The following ZNF324B variants were observed in gnomAD, a reference collection of about 807,000 sequenced individuals.
ZNF324B encodes zinc finger protein 324B.
ZNF324B carries 7 observed loss-of-function variants against 10.6 expected under a neutral mutation model. The observed-to-expected ratio is 0.66, with a 90% CI of 0.38 to 1.24. The LOEUF (loss-of-function observed/expected upper bound fraction) is 1.24, where lower values mean the gene tolerates loss of function less well. Among genes scored for constraint, ZNF324B ranks in the 50% most tolerant of loss-of-function variants. The pLI is 0.02. For missense variants in ZNF324B, 640 were observed against 764.7 expected, an observed-to-expected ratio of 0.84 and a Z score of 1.92; for synonymous variants, 316 against 321.0, an observed-to-expected ratio of 0.98 and a Z score of 0.17.
chr19:58,448,997 T>C (rs1410313851), upstream of ZNF324B, among the ~76,000 whole-genome samples: 1 of 152,238 alleles, frequency 6.6e-6, no homozygotes, highest in Non-Finnish European at 1.5e-5. Flanking sequence ...TCAGAGACCT[T>C]TGTGGCAGCC....
the ZNF324B span, among the ~76,000 whole-genome samples, chr19:58,438,883 G>C: frequency 6.6e-6 from 1 of 151,828 alleles, no homozygotes; most frequent in Non-Finnish European, 1.5e-5. Flanking sequence ...CAGTTCTTCT[G>C]CCTCAGTTTC....
rs141695590 is a variant in ZNF324B at position 58,455,784 on chromosome 19, C to T, written c.840C>T (p.Thr280=). ...TCCTCAAGCACCTACGCACCCACACCGGGGAGCGGCCCTACGAGTGCACCC... is the reference window on the plus strand; with the variant it reads ...TCCTCAAGCACCTACGCACCCACACTGGGGAGCGGCCCTACGAGTGCACCC... The part of the protein sequence containing the change: ...SDLLKHLRTH[T]GERPYECTQC... Residue 280 remains threonine (T), a synonymous_variant, in exon 4 of 4, where the codon ACC becomes ACT. Coordinates refer to ENST00000336614, the MANE Select transcript of ZNF324B (RefSeq NM_207395.3). The surrounding 1 kb of genome is among the most constrained non-coding windows in gnomAD (Gnocchi z 7.0). The T allele has an allele frequency of 1.6e-4, 262 of 1,613,972 alleles. No individual in the cohort carries two copies. The highest frequency in any genetic ancestry group is 1.3e-4 in the Non-Finnish European group (157 of 1,180,014).
At chr19:58,427,820 T>G in the ZNF324B span, among the ~76,000 whole-genome samples, 2 of 152,154 alleles carry the variant, frequency 1.3e-5, no homozygotes, top group South Asian at 2.1e-4. Flanking sequence ...CACCATCTTA[T>G]GAGATCTAAT....
the ZNF324B span, chr19:58,433,701 G>A: frequency 6.2e-7 from 1 of 1,612,316 alleles, no homozygotes; most frequent in East Asian, 2.2e-5. Flanking sequence ...TGGAGTTTTG[G>A]CTAAAGAATT....
Position 58,456,220 on chromosome 19 carries a change from G to C in ZNF324B, c.1276G>C (p.Ala426Pro). ...QRVHTGEKPF[A>P]CAQCGRSFSR... ...CGTGCACACAGGCGAGAAGCCCTTC[G>C]CCTGCGCCCAGTGCGGCCGCTCCTT... Residue 426 changes from alanine (A) to proline (P), a missense_variant, in exon 4 of 4, where the codon GCC becomes CCC. Ala to Pro is a conservative substitution (Grantham distance 27). Coordinates refer to ENST00000336614, the MANE Select transcript of ZNF324B (RefSeq NM_207395.3). This position sits in a 1 kb window ranked among gnomAD's most constrained non-coding sequence, Gnocchi z 4.7. The C allele has an allele frequency of 6.2e-7, 1 of 1,613,106 alleles. No homozygotes were observed. The highest frequency in any genetic ancestry group is 1.3e-5 in the African/African-American group (1 of 75,046).
In ZNF324B at chr19:58,456,666, T is replaced by G; in HGVS notation, c.*87T>G. 6.9e-7 allele frequency: 1 copy of G among 1,459,710 alleles called. No homozygotes were observed. The highest frequency in any genetic ancestry group is 9.2e-7 in the Non-Finnish European group (1 of 1,084,516). 90.4% of individuals were successfully genotyped at this position (1,459,710 alleles called of 1,614,324 possible). A position where few individuals can be genotyped will look rare whatever the true frequency, so the allele number is the denominator to read the frequency against. On this transcript the variant is annotated 3_prime_UTR_variant, in exon 4 of 4. Transcript: ENST00000336614. The surrounding 1 kb of genome is among the most constrained non-coding windows in gnomAD (Gnocchi z 4.7). Reference sequence around the variant, plus strand: ...GTCCGAGTGCTCTTCAGATCCACGATGGGGAAAAGCTCTGTGCCTGAGAGT... The same window carrying G: ...GTCCGAGTGCTCTTCAGATCCACGAGGGGGAAAAGCTCTGTGCCTGAGAGT...
chr19:58,451,931 T>C (rs1011904619), intron 1 of ZNF324B, among the ~76,000 whole-genome samples: 103 of 152,254 alleles, frequency 6.8e-4, no homozygotes, highest in African/African-American at 2.0e-3. Flanking sequence ...GGGTGGTCCA[T>C]GCCTTTCTTC....
chr19:58,453,340 T>C, intron 1 of ZNF324B: 1 of 339,874 alleles, frequency 2.9e-6, no homozygotes, highest in Non-Finnish European at 5.7e-6. Flanking sequence ...CACCCTTGCT[T>C]ATTACAAAAG....
At chr19:58,454,588 C>G (rs1018127076) in intron 3 of ZNF324B, 13 of 568,034 alleles carry the variant, frequency 2.3e-5, no homozygotes, top group Non-Finnish European at 2.2e-5. Context: ...TGGCCTTGAA[C>G]CCTCCACAAC....
the ZNF324B span, chr19:58,436,169 G>T: frequency 0.011 from 1,701 of 152,184 alleles, 27 homozygotes; most frequent in African/African-American, 0.04. Flanking sequence ...GCCTAGGACC[G>T]GGGGGAAAGG....
rs751782720 is a variant in ZNF324B, at chr19:58,455,043, C to G, written c.239-140C>G. The G allele has an allele frequency of 8.5e-7, 1 of 1,178,074 alleles. No homozygotes were observed. The highest frequency in any genetic ancestry group is 1.3e-5 in the South Asian group (1 of 79,718). 73.0% of individuals were successfully genotyped at this position (1,178,074 alleles called of 1,614,324 possible). ...ATGCTTCCTCCAAACCCCAGCCCCT[C>G]CTGCAGAGCCAGCCTCACCTCTTCT... is the stretch of plus-strand genomic sequence containing the variant. On this transcript the variant is annotated intron_variant, in intron 3 of 3. Coordinates refer to ENST00000336614, the MANE Select transcript of ZNF324B (RefSeq NM_207395.3). The surrounding 1 kb of genome is among the most constrained non-coding windows in gnomAD (Gnocchi z 7.0).
In ZNF324B at chr19:58,456,572, A is replaced by C; in HGVS notation, c.1628A>C (p.Lys543Thr). 1 of 1,613,116 alleles carries C rather than the reference A, an allele frequency of 6.2e-7. No individual in the cohort carries two copies. Among genetic ancestry groups the C allele is most frequent in the Non-Finnish European group, 8.5e-7 (1 of 1,179,338 alleles). Reference protein sequence around the residue: ...GKPSPVLKPAKV With the variant: ...GKPSPVLKPATV ...CCAAGCCCAGTCCTGAAGCCAGCGA[A>C]GGTCTGAGGTCACAGGTCGCAGCCC... The change falls in exon 4 of 4, where the codon AAG (lysine) becomes ACG (threonine). Residue 543 changes from lysine to threonine, a missense_variant. Transcript: ENST00000336614. The surrounding 1 kb of genome is among the most constrained non-coding windows in gnomAD (Gnocchi z 4.7).
chr19:58,434,498 C>T, the ZNF324B span: 53 of 1,614,206 alleles, frequency 3.3e-5, no homozygotes, highest in African/African-American at 5.6e-4. Context: ...TAATATTTTA[C>T]TTCAGTGTGA....
At chr19:58,425,927 C>T in the ZNF324B span, among the ~76,000 whole-genome samples, 1 of 152,226 alleles carries the variant, frequency 6.6e-6, no homozygotes, top group African/African-American at 2.4e-5. Flanking sequence ...AGATTTCCAC[C>T]CTCCCATGTT....
chr19:58,445,685 C>A, the ZNF324B span: 4 of 343,410 alleles, frequency 1.2e-5, no homozygotes, highest in Non-Finnish European at 2.3e-5. Context: ...CATGGTAACG[C>A]CCATCTGTAA....
the ZNF324B span, among the ~76,000 whole-genome samples, chr19:58,427,794 C>T: frequency 6.6e-6 from 1 of 151,856 alleles, no homozygotes; most frequent in East Asian, 1.9e-4. Context: ...AACAGGCATG[C>T]CACAATCATG....
chr19:58,439,610 A>G, the ZNF324B span: 9 of 741,350 alleles, frequency 1.2e-5, no homozygotes, highest in African/African-American at 1.9e-5. Context: ...TGGTAAGGGT[A>G]AGTGACTCCC....
At chr19:58,434,146 C>T in the ZNF324B span, 2 of 1,614,178 alleles carry the variant, frequency 1.2e-6, no homozygotes, top group African/African-American at 1.3e-5. Flanking sequence ...ACATTCACTG[C>T]ATTCATACGG....
At chr19:58,434,021 G>A in the ZNF324B span, 1 of 1,613,728 alleles carries the variant, frequency 6.2e-7, no homozygotes. Context: ...TGATGTCGAA[G>A]GAGATGGGAG....
Sources: gnomAD v4.1 joint callset for allele counts (sites outside exome capture counted in the v4.1 genomes callset) on GRCh38, gnomAD v4.1.1 for gene constraint, Gnocchi (gnomAD v3.1) non-coding constraint, MANE v1.5 for transcripts, NCBI Gene and HGNC (gene_info 2026-07-23, HGNC 2026-07-21) for gene names.